Variants in ZNF519 observed in about 807,000 individuals in gnomAD.
ZNF519 encodes zinc finger protein 519.
Under a neutral mutation model 7.4 loss-of-function variants are expected in ZNF519, and 7 were observed. The ratio of observed to expected loss-of-function variants is 0.94; its 90% CI spans 0.54 to 1.77. The LOEUF (loss-of-function observed/expected upper bound fraction) is 1.77. Ranked by LOEUF, ZNF519 falls within the 40% of genes most tolerant of loss-of-function variation. ZNF519 has a pLI of 0.00. For synonymous variants in ZNF519, 179 were observed against 203.3 expected (o/e 0.88, Z 1.02); for missense variants, 586 against 623.1 (o/e 0.94, Z 0.63).
intron 2 of ZNF519, among the ~76,000 whole-genome samples, chr18:14,110,425 A>G (rs116219007): frequency 0.022 from 3,357 of 152,314 alleles, 124 homozygotes; most frequent in African/African-American, 0.074. Flanking sequence ...ACAGAGTAGC[A>G]GAAAATATTT....
rs1300154321 is a variant in ZNF519, at chr18:14,106,077, A to G, written c.463T>C (p.Cys155Arg). Reference sequence around the variant, plus strand: ...TTAAAATTTATCTGATTTTTATTACAAAAGACAGATTTCAAAAATTTATGT... The same window carrying G: ...TTAAAATTTATCTGATTTTTATTACGAAAGACAGATTTCAAAAATTTATGT... Reference protein sequence around the residue: ...YQHKFLKSVFCNKNQINFNHD... With the variant: ...YQHKFLKSVFRNKNQINFNHD... Residue 155 changes from cysteine (C) to arginine (R), a missense_variant, in exon 3 of 3, where the codon TGT (cysteine) becomes CGT (arginine). Physicochemically the swap from Cys to Arg is radical, Grantham distance 180. Transcript: ENST00000590202. 21 of 1,603,396 alleles carry G rather than the reference A, an allele frequency of 1.3e-5. No homozygotes were observed. The highest frequency in any genetic ancestry group is 1.8e-5 in the Non-Finnish European group (21 of 1,176,252).
intron 1 of ZNF519, among the ~76,000 whole-genome samples, chr18:14,129,126 T>C (rs551345525): frequency 2.6e-5 from 4 of 152,210 alleles, no homozygotes; most frequent in Non-Finnish European, 5.9e-5. Flanking sequence ...GGCAGCGCTA[T>C]GTTCTGACTT....
At chr18:14,131,217 C>A (rs2143180380) in intron 1 of ZNF519, among the ~76,000 whole-genome samples, 1 of 152,288 alleles carries the variant, frequency 6.6e-6, no homozygotes, top group Middle Eastern at 3.4e-3. Context: ...AGATTTTTTA[C>A]AGTTGAGTGC....
intron 2 of ZNF519, chr18:14,123,932 G>T (rs768991915): frequency 6.5e-6 from 1 of 153,232 alleles, no homozygotes; most frequent in Non-Finnish European, 1.5e-5. Context: ...AGCACTTTGG[G>T]AGGCCCAGGC....
intron 2 of ZNF519, among the ~76,000 whole-genome samples, chr18:14,094,113 A>G (rs2143103029): frequency 6.6e-6 from 1 of 152,316 alleles, no homozygotes; most frequent in African/African-American, 2.4e-5. Context: ...TCAAATATCA[A>G]GTGGTCTTTG....
chr18:14,111,254 C>T (rs370642977), intron 2 of ZNF519, among the ~76,000 whole-genome samples: 12 of 150,258 alleles, frequency 8.0e-5, no homozygotes, highest in South Asian at 6.3e-4. Flanking sequence ...CCTGTAATCC[C>T]GGCACTTTAG....
intron 2 of ZNF519, among the ~76,000 whole-genome samples, chr18:14,092,176 T>G (rs955991993): frequency 6.6e-6 from 1 of 152,052 alleles, no homozygotes; most frequent in Non-Finnish European, 1.5e-5. Flanking sequence ...CCAGGACCTG[T>G]GCTGGAGGCA....
At chr18:14,118,468 T>C (rs535748993) in intron 2 of ZNF519, among the ~76,000 whole-genome samples, 5 of 152,156 alleles carry the variant, frequency 3.3e-5, no homozygotes, top group Non-Finnish European at 5.9e-5. Context: ...GAAGTGACAG[T>C]ATATGATTCC....
In ZNF519 at chr18:14,105,398, C is replaced by A. The variant is rs2046184212; in HGVS notation, c.1142G>T (p.Cys381Phe). Residue 381 changes from cysteine to phenylalanine, a missense_variant, in exon 3 of 3, where the codon TGT becomes TTT. Transcript: ENST00000590202. ...TGAGCTTCTATTAAAGGCTTTGCCA[C>A]ATTCCTTACATCTGAAAGGTTTCTC... Reference protein sequence around the residue: ...TGEKPFRCKECGKAFNRSSYV... With the variant: ...TGEKPFRCKEFGKAFNRSSYV... 4 of 1,613,944 alleles carry A rather than the reference C, an allele frequency of 2.5e-6. No homozygotes were observed. Among genetic ancestry groups the A allele is most frequent in the Non-Finnish European group, 2.5e-6 (3 of 1,179,988 alleles).
exon 5 of ZNF519, chr18:14,076,285 T>C (rs188507001): frequency 4.6e-5 from 7 of 152,328 alleles, no homozygotes; most frequent in South Asian, 2.1e-4. Flanking sequence ...TTAAATATCA[T>C]TGCTTAATTT....
downstream of ZNF519, among the ~76,000 whole-genome samples, chr18:14,098,288 G>A (rs1308424526): frequency 1.3e-5 from 2 of 151,720 alleles, no homozygotes; most frequent in Non-Finnish European, 1.5e-5. Flanking sequence ...AGCTTACTGA[G>A]TAGCTGGATT....
chr18:14,071,346 A>G (rs2046027413), downstream of ZNF519: 1 of 152,172 alleles, frequency 6.6e-6, no homozygotes, highest in Non-Finnish European at 1.5e-5. Context: ...AAACAAATGG[A>G]TCTACTTCTA....
At chr18:14,099,522 A>G (rs1169649712), downstream of ZNF519, among the ~76,000 whole-genome samples, 1 of 152,188 alleles carries the variant, frequency 6.6e-6, no homozygotes, top group East Asian at 1.9e-4. Flanking sequence ...ATTAATTTGT[A>G]TATTAATAGA....
chr18:14,078,486 T>A (rs2046057492), intron 3 of ZNF519, among the ~76,000 whole-genome samples: 1 of 152,190 alleles, frequency 6.6e-6, no homozygotes, highest in African/African-American at 2.4e-5. Context: ...AAATGTACCA[T>A]GTTCATATGA....
intron 2 of ZNF519, among the ~76,000 whole-genome samples, chr18:14,114,012 G>A (rs1326847520): frequency 6.6e-6 from 1 of 152,032 alleles, no homozygotes; most frequent in East Asian, 1.9e-4. Context: ...AGAGTTGTTT[G>A]TGTGCCTTAC....
At chr18:14,126,075 C>T (rs2046297937) in intron 1 of ZNF519, among the ~76,000 whole-genome samples, 1 of 152,188 alleles carries the variant, frequency 6.6e-6, no homozygotes. Context: ...TGAGCACCAG[C>T]TGTGGAGAGG....
intron 3 of ZNF519, among the ~76,000 whole-genome samples, chr18:14,081,628 C>T (rs2046070910): frequency 6.6e-6 from 1 of 152,110 alleles, no homozygotes; most frequent in Non-Finnish European, 1.5e-5. Context: ...TTCTTTACAG[C>T]CTTCCCCAGC....
At chr18:14,097,329 A>T (rs1045992504), downstream of ZNF519, among the ~76,000 whole-genome samples, 12 of 152,192 alleles carry the variant, frequency 7.9e-5, no homozygotes, top group Non-Finnish European at 1.3e-4. Flanking sequence ...ATATAAGCAC[A>T]ATGGTTGCAG....
intron 2 of ZNF519, among the ~76,000 whole-genome samples, chr18:14,120,148 T>G (rs1006911175): frequency 6.6e-6 from 1 of 152,120 alleles, no homozygotes; most frequent in Non-Finnish European, 1.5e-5. Context: ...ATTTCAAACT[T>G]TATTTAAAGG....
Sources: gnomAD v4.1 joint callset for allele counts (sites outside exome capture counted in the v4.1 genomes callset) on GRCh38, gnomAD v4.1.1 for gene constraint, MANE v1.5 for transcripts, NCBI Gene and HGNC (gene_info 2026-07-23, HGNC 2026-07-21) for gene names.